The following SLC4A10 variants were observed in gnomAD, a reference collection of about 807,000 sequenced individuals.
SLC4A10 encodes the protein sodium-driven chloride bicarbonate exchanger.
In SLC4A10, 42 loss-of-function variants were observed where a neutral mutation model predicts 137.7. The ratio of observed to expected loss-of-function variants is 0.30; its 90% confidence interval spans 0.24 to 0.39. The LOEUF (loss-of-function observed/expected upper bound fraction) is 0.39. Ranked by LOEUF, SLC4A10 falls within the 10% of genes least tolerant of loss-of-function variation. SLC4A10 has a pLI of 1.00. For missense variants in SLC4A10, 925 were observed against 1,355.0 expected (o/e 0.68, Z 4.98); for synonymous variants, 474 against 464.1 (o/e 1.02, Z -0.27).
intron 1 of SLC4A10, among the ~76,000 whole-genome samples, chr2:161,744,532 G>T (rs2048219661): frequency 6.6e-6 from 1 of 152,060 alleles, no homozygotes; most frequent in Non-Finnish European, 1.5e-5. Context: ...AATTGGATTT[G>T]CCAGTATTTT....
At chr2:161,726,358 T>G (rs2046221117) in intron 1 of SLC4A10, among the ~76,000 whole-genome samples, 1 of 152,160 alleles carries the variant, frequency 6.6e-6, no homozygotes, top group South Asian at 2.1e-4. Flanking sequence ...ACACAGCTAC[T>G]TTTCCTATCT....
At chr2:161,709,499 C>T (rs918123044) in intron 1 of SLC4A10, among the ~76,000 whole-genome samples, 2 of 151,502 alleles carry the variant, frequency 1.3e-5, no homozygotes, top group Non-Finnish European at 3.0e-5. Context: ...TATATACTAA[C>T]GTATTGTTCA....
intron 15 of SLC4A10, among the ~76,000 whole-genome samples, chr2:161,924,125 C>T (rs1688645556): frequency 1.3e-5 from 2 of 152,180 alleles, no homozygotes; most frequent in African/African-American, 4.8e-5. Flanking sequence ...ATTCTATCTC[C>T]TCACAGTGCT....
intron 2 of SLC4A10, among the ~76,000 whole-genome samples, chr2:161,775,329 TACCAG>T (rs1260857818): frequency 2.0e-5 from 3 of 151,822 alleles, no homozygotes; most frequent in African/African-American, 7.2e-5. Context: ...CAAAAAGGAG[TACCAG>T]GGGTAGTTAC....
rs1221580341 is a variant in SLC4A10, at chr2:161,788,320, A to G, written c.131-16129A>G. 3.3e-5 allele frequency among the ~76,000 whole-genome samples: 5 copies of G among 152,018 alleles called. No individual in the cohort carries two copies. In the East Asian group the frequency reaches 9.7e-4, roughly 29 times the overall value. On this transcript the variant is annotated intron_variant, in intron 2 of 26. Transcript: ENST00000446997. Reference sequence around the variant, plus strand: ...CAGTAAACTTATCTTGTACACTAGTACTATACCCTTCTGACAGTAGGTTTT... The same window carrying G: ...CAGTAAACTTATCTTGTACACTAGTGCTATACCCTTCTGACAGTAGGTTTT...
chr2:161,773,556 T>G (rs2051926840), intron 2 of SLC4A10, among the ~76,000 whole-genome samples: 1 of 151,866 alleles, frequency 6.6e-6, no homozygotes, highest in South Asian at 2.1e-4. Context: ...CATTTGAAAA[T>G]GAGTGTTTCT....
At chr2:161,832,543 G>A (rs2058497081) in intron 3 of SLC4A10, among the ~76,000 whole-genome samples, 1 of 152,152 alleles carries the variant, frequency 6.6e-6, no homozygotes, top group Admixed American at 6.5e-5. Context: ...CATTAATGAG[G>A]AGGATTTGGG....
chr2:161,722,499 C>G (rs2045790521), intron 1 of SLC4A10, among the ~76,000 whole-genome samples: 1 of 152,190 alleles, frequency 6.6e-6, no homozygotes, highest in African/African-American at 2.4e-5. Context: ...TTACCTAAAT[C>G]CCTTCCACAC....
intron 3 of SLC4A10, among the ~76,000 whole-genome samples, chr2:161,822,815 A>C (rs2057732574): frequency 6.6e-6 from 1 of 152,122 alleles, no homozygotes; most frequent in Non-Finnish European, 1.5e-5. Flanking sequence ...TCTCTGCTAA[A>C]AATACAAAAA....
chr2:161,920,122 G>A (rs190205556), intron 15 of SLC4A10, among the ~76,000 whole-genome samples: 17 of 152,340 alleles, frequency 1.1e-4, no homozygotes, highest in Admixed American at 1.1e-3. Flanking sequence ...CCTCACCTCT[G>A]TGCCTTTGGC....
At chr2:161,640,812 C>T (rs2035213402) in intron 1 of SLC4A10, among the ~76,000 whole-genome samples, 1 of 152,008 alleles carries the variant, frequency 6.6e-6, no homozygotes, top group Non-Finnish European at 1.5e-5. Context: ...ACTGCAGGCA[C>T]ACACCACCCT....
chr2:161,811,866 C>A (rs1247172548), intron 3 of SLC4A10, among the ~76,000 whole-genome samples: 1 of 151,968 alleles, frequency 6.6e-6, no homozygotes, highest in African/African-American at 2.4e-5. Flanking sequence ...ATTTAATTGA[C>A]CTCTTCCTCT....
intron 1 of SLC4A10, among the ~76,000 whole-genome samples, chr2:161,659,106 G>A (rs1348782435): frequency 6.6e-6 from 1 of 152,064 alleles, no homozygotes; most frequent in East Asian, 1.9e-4. Flanking sequence ...CTTCATTCAT[G>A]TGTTTATTAC....
chr2:161,634,647 A>G (rs1414793449), intron 1 of SLC4A10, among the ~76,000 whole-genome samples: 1 of 152,046 alleles, frequency 6.6e-6, no homozygotes, highest in Non-Finnish European at 1.5e-5. Flanking sequence ...TATACGTTGT[A>G]TAATAATCAA....
In SLC4A10 at chr2:161,984,522, C is replaced by T. The variant is rs1700601977; in HGVS notation, c.*1370C>T. ...ATAATTCAGAGCCCTGTGGCTTTTA[C>T]ACACCGTTAATTATGTACTCTGTTG... On this transcript the variant is annotated 3_prime_UTR_variant, in exon 27 of 27. Transcript: ENST00000446997. 6.6e-6 allele frequency: 1 copy of T among 152,066 alleles called. No individual in the cohort carries two copies. Among genetic ancestry groups the T allele is most frequent in the Non-Finnish European group, 1.5e-5 (1 of 67,976 alleles). 9.4% of individuals were successfully genotyped at this position (152,066 alleles called of 1,614,324 possible).
chr2:161,630,431 A>G (rs1281396364), intron 1 of SLC4A10, among the ~76,000 whole-genome samples: 2 of 151,688 alleles, frequency 1.3e-5, no homozygotes, highest in Non-Finnish European at 3.0e-5. Context: ...ATTATTTTTA[A>G]TAGATAGATT....
chr2:161,865,229 C>A (rs2060669155), intron 6 of SLC4A10, among the ~76,000 whole-genome samples: 1 of 151,780 alleles, frequency 6.6e-6, no homozygotes, highest in Non-Finnish European at 1.5e-5. Context: ...ATATGCAGAT[C>A]TAGGCACACT....
intron 1 of SLC4A10, among the ~76,000 whole-genome samples, chr2:161,664,136 G>C (rs1171159004): frequency 6.6e-6 from 1 of 151,846 alleles, no homozygotes; most frequent in African/African-American, 2.4e-5. Flanking sequence ...GAAGCTCTGG[G>C]ATTCTAACCC....
intron 1 of SLC4A10, among the ~76,000 whole-genome samples, chr2:161,733,747 A>G (rs913062600): frequency 6.6e-6 from 1 of 152,078 alleles, no homozygotes; most frequent in African/African-American, 2.4e-5. Context: ...AGCCACAGAC[A>G]CTCAATGCCA....
Sources: allele counts gnomAD v4.1 joint callset (sites outside exome capture counted in the v4.1 genomes callset), GRCh38; gene constraint gnomAD v4.1.1; transcripts MANE v1.5; gene names NCBI Gene and HGNC (gene_info 2026-07-23, HGNC 2026-07-21).